Variants in SVIL observed in about 807,000 individuals in gnomAD.
The protein encoded by SVIL is supervillin.
Under a neutral mutation model 240.4 loss-of-function variants are expected in SVIL, and 101 were observed. The ratio of observed to expected loss-of-function variants is 0.42; its 90% CI spans 0.36 to 0.50. The LOEUF is 0.50. Ranked by LOEUF, SVIL falls within the 20% of genes least tolerant of loss-of-function variation. SVIL has a pLI of 0.01. For synonymous variants in SVIL, 999 were observed against 1,100.0 expected, an observed-to-expected ratio of 0.91 and a Z score of 1.82; for missense variants, 2,512 against 2,818.7, an observed-to-expected ratio of 0.89 and a Z score of 2.46.
Position 29,487,650 on chromosome 10 carries a change from C to A in SVIL, c.4349-351G>T, listed in dbSNP as rs527317448. ...GGCCTTTCTCTCCCCTGGCCACCTC[C>A]TGCACCCAATTACATCTGTGGCCCA... On this transcript the variant is annotated intron_variant, in intron 23 of 37. Coordinates refer to ENST00000355867, the MANE Select transcript of SVIL (RefSeq NM_021738.3). 109 of 188,144 alleles carry A rather than the reference C, an allele frequency of 5.8e-4. 1 individual carries two copies. The South Asian group carries it at 0.014, about 25-fold the overall frequency. 11.7% of individuals were successfully genotyped at this position (188,144 alleles called of 1,614,324 possible).
At position 29,493,288 on chromosome 10, in the gene SVIL, C is replaced by T; in HGVS notation, c.3945G>A (p.Val1315=). ...DETFAKFYRS[V]DYNMPRSPVE... ...CAGGACTTCTTGGCATATTATAATCCACGCTGCGGTAAAATTTGGCAAAGG... is the reference window on the plus strand; with the variant it reads ...CAGGACTTCTTGGCATATTATAATCTACGCTGCGGTAAAATTTGGCAAAGG... The change falls in exon 21 of 38, where the codon GTG becomes GTA. Residue 1315 remains valine, a synonymous_variant. Coordinates refer to ENST00000355867, the MANE Select transcript of SVIL (RefSeq NM_021738.3). 1 of 1,614,132 alleles carries T rather than the reference C, an allele frequency of 6.2e-7. No homozygotes were observed. The highest frequency in any genetic ancestry group is 8.5e-7 in the Non-Finnish European group (1 of 1,180,026).
At chr10:29,470,510 G>T (rs1564463843) in intron 31 of SVIL, 27 bp from the exon 32 acceptor site, 3 of 1,612,502 alleles carry the variant, frequency 1.9e-6, no homozygotes, top group Admixed American at 1.7e-5. Context: ...CGGCGCGGAG[G>T]AGTTAGCACG....
intron 2 of SVIL, among the ~76,000 whole-genome samples, chr10:29,659,300 C>G (rs970698022): frequency 6.6e-6 from 1 of 152,168 alleles, no homozygotes; most frequent in Non-Finnish European, 1.5e-5. Flanking sequence ...GGTTAACAAG[C>G]GTGGCTTTGG....
At chr10:29,644,840 G>A (rs1032920345) in intron 3 of SVIL, among the ~76,000 whole-genome samples, 8 of 152,046 alleles carry the variant, frequency 5.3e-5, no homozygotes, top group Non-Finnish European at 1.0e-4. Context: ...TTGAGGGCAG[G>A]GGCTACAAGA....
rs1946722148 is a variant in SVIL at position 29,480,563 on chromosome 10, T to A, written c.5351A>T (p.Lys1784Met). The A allele has an allele frequency of 1.4e-5, 22 of 1,613,370 alleles. No homozygotes were observed. The highest frequency in any genetic ancestry group is 1.9e-5 in the Non-Finnish European group (22 of 1,179,942). The change falls in exon 29 of 38, where the codon AAG becomes ATG. Residue 1784 changes from lysine to methionine, a missense_variant. Around this residue, in one of 3 missense-constraint regions of SVIL, gnomAD observed 797 missense variants for 925.3 expected, o/e 0.86. Transcript: ENST00000355867. ...QFHEGDAYVV[K>M]WKFMVSTAVG... Reference sequence around the variant, plus strand: ...TGCCGTGCTCACCATGAACTTCCACTTGACCACATAGGCATCCCCCTCATG... The same window carrying A: ...TGCCGTGCTCACCATGAACTTCCACATGACCACATAGGCATCCCCCTCATG...
At position 29,511,284 on chromosome 10, in the gene SVIL, G is replaced by A. The variant is rs573800280; in HGVS notation, c.3516+1451C>T. 7.8e-4 allele frequency among the ~76,000 whole-genome samples: 111 copies of A among 141,594 alleles called. 1 individual carries two copies. Among genetic ancestry groups the A allele is most frequent in the African/African-American group, 2.8e-3 (107 of 37,658 alleles). 92.9% of individuals were successfully genotyped at this position (141,594 alleles called of 152,430 possible). On this transcript the variant is annotated intron_variant, in intron 17 of 37. Coordinates refer to ENST00000355867, the MANE Select transcript of SVIL (RefSeq NM_021738.3). ...GGTGATCCTCCATTCTTCTAAGGGG[G>A]CAGTGCACCCATTTCACTATTCACC...
At chr10:29,648,034 T>TG (rs1340459358) in intron 3 of SVIL, among the ~76,000 whole-genome samples, 2 of 142,456 alleles carry the variant, frequency 1.4e-5, no homozygotes, top group African/African-American at 5.2e-5. Flanking sequence ...AATGATAAGA[T>TG]GACGCTCCCA....
chr10:29,490,621 C>A lies in SVIL; in HGVS notation c.4192+226G>T, dbSNP rs559024059. Reference sequence around the variant, plus strand: ...AAAAAAAACCAAACCCCAGTATAATCTGAATTAACTAACTGAACAGGTGAT... The same window carrying A: ...AAAAAAAACCAAACCCCAGTATAATATGAATTAACTAACTGAACAGGTGAT... On this transcript the variant is annotated intron_variant, in intron 22 of 37. Coordinates refer to ENST00000355867, the MANE Select transcript of SVIL (RefSeq NM_021738.3). 2.1e-3 allele frequency among the ~76,000 whole-genome samples: 322 copies of A among 150,844 alleles called. 1 individual carries two copies. Among genetic ancestry groups the A allele is most frequent in the Middle Eastern group, 6.9e-3 (2 of 288 alleles).
In SVIL at chr10:29,490,854, T is replaced by C; in HGVS notation, c.4185A>G (p.Val1395=). The change falls in exon 22 of 38, where the codon GTA becomes GTG. Residue 1395 remains valine, a synonymous_variant. Transcript: ENST00000355867. The stretch of plus-strand genomic sequence containing the variant: ...GGGGGTTCAAATACTCACTCTTTTC[T>C]ACTTTCATCCGCTTTGACTCCATGA... ...VAFMESKRMK[V]EKMSSNSNFS... is the part of the protein sequence containing the mutation. 2 of 1,613,876 alleles carry C rather than the reference T, an allele frequency of 1.2e-6. No homozygotes were observed. Among genetic ancestry groups the C allele is most frequent in the Non-Finnish European group, 1.7e-6 (2 of 1,179,774 alleles).
Position 29,532,064 on chromosome 10 carries a change from T to C in SVIL, c.1947A>G (p.Arg649=). The change falls in exon 9 of 38, where the codon AGA becomes AGG. Residue 649 remains arginine, a synonymous_variant. Transcript: ENST00000355867. ...GGGTTCTAAATCTCTCGGAAGTTTT[T>C]CTACTTTCACCAGGAGAAAAATAGC... ...PRRYFSPGES[R]KTSERFRTQP... 1 of 1,614,192 alleles carries C rather than the reference T, an allele frequency of 6.2e-7. No homozygotes were observed. Among genetic ancestry groups the C allele is most frequent in the Non-Finnish European group, 8.5e-7 (1 of 1,180,008 alleles).
intron 3 of SVIL, among the ~76,000 whole-genome samples, chr10:29,640,054 C>T (rs1388876883): frequency 6.6e-6 from 1 of 152,166 alleles, no homozygotes; most frequent in Non-Finnish European, 1.5e-5. Flanking sequence ...TCTTCTGCCC[C>T]CAAAGTCCCT....
chr10:29,628,202 T>C (rs1204510015), intron 1 of SVIL, among the ~76,000 whole-genome samples: 10 of 152,240 alleles, frequency 6.6e-5, no homozygotes, highest in African/African-American at 2.4e-5. Flanking sequence ...TTCACTTTCA[T>C]AACCTACCTC....
intron 1 of SVIL, among the ~76,000 whole-genome samples, chr10:29,572,776 A>G (rs949592752): frequency 5.3e-5 from 8 of 150,192 alleles, no homozygotes; most frequent in Non-Finnish European, 1.2e-4. Flanking sequence ...AAAAAAAAAA[A>G]AAAAAGAAAA....
At chr10:29,499,405 A>G (rs1313088985) in intron 17 of SVIL, 142 bp from the exon 18 acceptor site, 5 of 1,130,260 alleles carry the variant, frequency 4.4e-6, no homozygotes, top group Non-Finnish European at 5.0e-6. Context: ...AAAATGTTCT[A>G]TCTGAAATGG....
intron 3 of SVIL, among the ~76,000 whole-genome samples, chr10:29,650,814 T>A (rs951412034): frequency 6.6e-6 from 1 of 152,126 alleles, no homozygotes; most frequent in African/African-American, 2.4e-5. Context: ...TTGGCCATGG[T>A]GGCACACGCC....
At chr10:29,714,086 T>G (rs1963465769) in intron 1 of SVIL, among the ~76,000 whole-genome samples, 1 of 151,950 alleles carries the variant, frequency 6.6e-6, no homozygotes, top group Non-Finnish European at 1.5e-5. Context: ...GACAGAAAAA[T>G]GAGGTTTAGA....
rs201311812 is a variant in SVIL at position 29,724,567 on chromosome 10, GA to G, written c.-400+11183del. ...AATTGGATAATTCTGGGGTCAGAAT[GA>G]AAAAAAATATATAAATCCTATTTCA... On this transcript the variant is annotated intron_variant, in intron 1 of 35. Transcript: ENST00000375400. Among the ~76,000 whole-genome samples the G allele has an allele frequency of 5.1e-3, 779 of 151,600 alleles. 5 individuals carry two copies. Among genetic ancestry groups the G allele is most frequent in the African/African-American group, 0.017 (719 of 41,348 alleles).
chr10:29,459,303 A>G (rs1283829586), intron 36 of SVIL, among the ~76,000 whole-genome samples: 1 of 152,024 alleles, frequency 6.6e-6, no homozygotes, highest in Non-Finnish European at 1.5e-5. Context: ...TTTTGTAGAG[A>G]TGATGGAGTC....
Position 29,586,270 on chromosome 10 carries a change from A to C in SVIL, c.-200-16958T>G, listed in dbSNP as rs186807153. Among the ~76,000 whole-genome samples, 52 of 152,354 alleles carry C rather than the reference A, an allele frequency of 3.4e-4. No homozygotes were observed. The East Asian group carries it at 9.4e-3, about 28-fold the overall frequency. On this transcript the variant is annotated intron_variant, in intron 1 of 37. Coordinates refer to ENST00000355867, the MANE Select transcript of SVIL (RefSeq NM_021738.3). Reference sequence around the variant, plus strand: ...GATGGAGAGGTTATTGAGTGCATTCAGTCTACTCTACATTTTTATTTTAGT... The same window carrying C: ...GATGGAGAGGTTATTGAGTGCATTCCGTCTACTCTACATTTTTATTTTAGT...
Sources: allele counts gnomAD v4.1 joint callset (sites outside exome capture counted in the v4.1 genomes callset), GRCh38; gene constraint gnomAD v4.1.1; regional missense constraint gnomAD v4.1.1; transcripts MANE v1.5; gene names NCBI Gene and HGNC (gene_info 2026-07-23, HGNC 2026-07-21).